The following KCNIP3 variants were observed in gnomAD, a reference collection of about 807,000 sequenced individuals.
KCNIP3 encodes potassium voltage-gated channel interacting protein 3.
In KCNIP3, 28 loss-of-function variants were observed where a neutral mutation model predicts 35.0. The observed-to-expected ratio is 0.80, with a 90% CI of 0.59 to 1.10. The LOEUF (loss-of-function observed/expected upper bound fraction) is 1.10, where lower values mean the gene tolerates loss of function less well. Among genes scored for constraint, KCNIP3 ranks in the 50% least tolerant of loss-of-function variants. The pLI is 0.00. For missense variants in KCNIP3, 295 were observed against 338.4 expected, an observed-to-expected ratio of 0.87 and a Z score of 1.01; for synonymous variants, 134 against 133.8, an observed-to-expected ratio of 1.00 and a Z score of -0.01.
intron 2 of KCNIP3, among the ~76,000 whole-genome samples, chr2:95,332,606 G>A (rs543150922): frequency 2.2e-3 from 339 of 152,338 alleles, no homozygotes; most frequent in Non-Finnish European, 3.9e-3. Flanking sequence ...ATTTCATTTC[G>A]TCTTCAAGTG....
At chr2:95,364,295 G>A (rs1418995266) in intron 2 of KCNIP3, among the ~76,000 whole-genome samples, 1 of 152,104 alleles carries the variant, frequency 6.6e-6, no homozygotes, top group Non-Finnish European at 1.5e-5. Context: ...AGATTTTCAT[G>A]TGATTTTTCC....
intron 2 of KCNIP3, among the ~76,000 whole-genome samples, chr2:95,333,041 C>T (rs1229027236): frequency 1.3e-5 from 2 of 152,128 alleles, no homozygotes; most frequent in African/African-American, 4.8e-5. Flanking sequence ...CTCTGCTGGG[C>T]CTCACTTGTC....
At chr2:95,339,191 A>G (rs539273118) in intron 2 of KCNIP3, among the ~76,000 whole-genome samples, 1 of 152,256 alleles carries the variant, frequency 6.6e-6, no homozygotes, top group East Asian at 1.9e-4. Flanking sequence ...TTCCTCTTCT[A>G]CAAGCTCTGC....
intron 2 of KCNIP3, among the ~76,000 whole-genome samples, chr2:95,321,272 C>G (rs1678591990): frequency 6.6e-6 from 1 of 152,162 alleles, no homozygotes. Context: ...TCGTGCTGTT[C>G]CTGGCTGTTG....
chr2:95,362,556 G>A (rs1281560764), intron 2 of KCNIP3, among the ~76,000 whole-genome samples: 1 of 152,224 alleles, frequency 6.6e-6, no homozygotes, highest in Non-Finnish European at 1.5e-5. Flanking sequence ...AGGGGACACA[G>A]TTCAATCCTA....
At chr2:95,312,245 G>A (rs1241887639) in intron 2 of KCNIP3, 2 of 152,358 alleles carry the variant, frequency 1.3e-5, no homozygotes, top group East Asian at 3.9e-4. Flanking sequence ...GGTGGCTCAG[G>A]ACGGGTGGGG....
At chr2:95,335,599 T>A (rs1464444642) in intron 2 of KCNIP3, among the ~76,000 whole-genome samples, 1 of 152,214 alleles carries the variant, frequency 6.6e-6, no homozygotes, top group East Asian at 1.9e-4. Context: ...CTACCTGTGG[T>A]TTTCTTTGTA....
chr2:95,380,713 A>G (rs1023881127), intron 5 of KCNIP3, among the ~76,000 whole-genome samples: 1 of 152,190 alleles, frequency 6.6e-6, no homozygotes, highest in Non-Finnish European at 1.5e-5. Flanking sequence ...ATGACTCAAG[A>G]GTTGAGCACC....
At chr2:95,375,592 A>C (rs1017248007) in intron 5 of KCNIP3, among the ~76,000 whole-genome samples, 1 of 151,800 alleles carries the variant, frequency 6.6e-6, no homozygotes, top group African/African-American at 2.4e-5. Flanking sequence ...TTCAGAATTT[A>C]CTCCTTGTTA....
chr2:95,358,090 C>T (rs1419930699), intron 2 of KCNIP3, among the ~76,000 whole-genome samples: 3 of 152,136 alleles, frequency 2.0e-5, no homozygotes, highest in Non-Finnish European at 4.4e-5. Context: ...CAGAGGGGAA[C>T]AGGATGGGTG....
At chr2:95,339,646 A>AC (rs1042849750) in intron 2 of KCNIP3, among the ~76,000 whole-genome samples, 4 of 151,590 alleles carry the variant, frequency 2.6e-5, no homozygotes, top group East Asian at 1.9e-4. Context: ...TAATAGTGAG[A>AC]CCCCCAAAAC....
intron 2 of KCNIP3, among the ~76,000 whole-genome samples, chr2:95,321,082 T>G (rs1490198911): frequency 1.1e-5 from 1 of 87,102 alleles, no homozygotes; most frequent in African/African-American, 4.4e-5. Context: ...TCCCTGGCCC[T>G]GCCCCCCGAG....
At chr2:95,373,039 G>A (rs1680076519) in intron 2 of KCNIP3, among the ~76,000 whole-genome samples, 1 of 152,164 alleles carries the variant, frequency 6.6e-6, no homozygotes, top group African/African-American at 2.4e-5. Flanking sequence ...GAGCTGTGCA[G>A]GACAGCTGCC....
intron 2 of KCNIP3, among the ~76,000 whole-genome samples, chr2:95,346,221 C>T (rs944278085): frequency 3.3e-5 from 5 of 150,996 alleles, no homozygotes; most frequent in South Asian, 2.1e-4. Flanking sequence ...CTTCCCGGAT[C>T]CCCCGCCGCC....
chr2:95,299,546 G>A (rs1018940653), intron 1 of KCNIP3, among the ~76,000 whole-genome samples: 4 of 152,154 alleles, frequency 2.6e-5, no homozygotes, highest in African/African-American at 9.7e-5. Context: ...TCCTATTCTA[G>A]ACACTGAGGC....
intron 1 of KCNIP3, among the ~76,000 whole-genome samples, chr2:95,302,093 T>C (rs1331314853): frequency 6.6e-6 from 1 of 151,958 alleles, no homozygotes; most frequent in Non-Finnish European, 1.5e-5. Context: ...CGCCCACCAC[T>C]GCTTCCTGCC....
chr2:95,335,580 C>T (rs1679041529), intron 2 of KCNIP3, among the ~76,000 whole-genome samples: 1 of 152,206 alleles, frequency 6.6e-6, no homozygotes, highest in South Asian at 2.1e-4. Context: ...CACACCATAG[C>T]AGATGTACCT....
At chr2:95,324,919 G>A (rs145578162) in intron 2 of KCNIP3, among the ~76,000 whole-genome samples, 1 of 152,202 alleles carries the variant, frequency 6.6e-6, no homozygotes, top group African/African-American at 2.4e-5. Context: ...TCAAAAACAA[G>A]ACAAAACAAA....
At chr2:95,308,364 G>A (rs1028337345) in intron 1 of KCNIP3, among the ~76,000 whole-genome samples, 2 of 152,220 alleles carry the variant, frequency 1.3e-5, no homozygotes, top group Admixed American at 1.3e-4. Context: ...TGATGACTGT[G>A]AGCTGGAGGA....
Sources: gnomAD v4.1 joint callset for allele counts (sites outside exome capture counted in the v4.1 genomes callset) on GRCh38, gnomAD v4.1.1 for gene constraint, MANE v1.5 for transcripts, NCBI Gene and HGNC (gene_info 2026-07-23, HGNC 2026-07-21) for gene names.